The following SMARCD3 variants were observed in gnomAD, a reference collection of about 807,000 sequenced individuals.
SMARCD3 encodes the protein SWI/SNF related BAF chromatin remodeling complex subunit D3.
A neutral mutation model predicts 58.0 loss-of-function variants in SMARCD3; 14 were observed. That is an observed-to-expected ratio of 0.24 (90% CI 0.16 to 0.38). The LOEUF (loss-of-function observed/expected upper bound fraction) is 0.38, where lower values mean the gene tolerates loss of function less well. SMARCD3 is among the 10% of genes least tolerant of loss of function. The pLI, the probability that SMARCD3 is intolerant of heterozygous loss-of-function variation, is 1.00. For missense variants in SMARCD3, 408 were observed against 636.9 expected, an observed-to-expected ratio of 0.64 and a Z score of 3.87; for synonymous variants, 253 against 253.8, an observed-to-expected ratio of 1.00 and a Z score of 0.03.
At chr7:151,265,092 C>T (rs1303389729) in intron 2 of SMARCD3, among the ~76,000 whole-genome samples, 1 of 152,218 alleles carries the variant, frequency 6.6e-6, no homozygotes, top group African/African-American at 2.4e-5. Context: ...GTCAGAGTCC[C>T]CCTGCTATGG....
chr7:151,245,688 G>A lies in SMARCD3; in HGVS notation c.79-17C>T. On this transcript the variant is annotated splice_polypyrimidine_tract_variant and intron_variant, in intron 1 of 12. Transcript: ENST00000262188. This position sits in a 1 kb window ranked among gnomAD's most constrained non-coding sequence, Gnocchi z 6.2. Reference sequence around the variant, plus strand: ...CCCGGGGCGCTGGGGGTGGGCGGGGGTGAAGCAGAAACGGGCGCCCGTGGG... The same window carrying A: ...CCCGGGGCGCTGGGGGTGGGCGGGGATGAAGCAGAAACGGGCGCCCGTGGG... 2.5e-6 allele frequency: 2 copies of A among 807,132 alleles called. No individual in the cohort carries two copies. Among genetic ancestry groups the A allele is most frequent in the Non-Finnish European group, 3.3e-6 (2 of 600,636 alleles). The allele number at this position is 807,132 out of a possible 1,614,324, so 50.0% of individuals were successfully genotyped here.
chr7:151,260,339 G>A (rs902055157), intron 2 of SMARCD3, among the ~76,000 whole-genome samples: 26 of 152,212 alleles, frequency 1.7e-4, no homozygotes, highest in African/African-American at 3.4e-4. Flanking sequence ...CTTAATTATC[G>A]TTTTAAACAC....
chr7:151,268,767 C>T (rs1402102280), intron 2 of SMARCD3, among the ~76,000 whole-genome samples: 3 of 151,790 alleles, frequency 2.0e-5, no homozygotes, highest in Non-Finnish European at 4.4e-5. Flanking sequence ...ACAAAATTCT[C>T]TCTCTTTTTT....
Position 151,245,396 on chromosome 7 carries a change from G to C in SMARCD3, c.290+64C>G. 1 of 593,516 alleles carries C rather than the reference G, an allele frequency of 1.7e-6. No homozygotes were observed. Among genetic ancestry groups the C allele is most frequent in the Non-Finnish European group, 2.5e-6 (1 of 407,390 alleles). 36.8% of individuals were successfully genotyped at this position (593,516 alleles called of 1,614,324 possible). On this transcript the variant is annotated intron_variant, in intron 2 of 12. Transcript: ENST00000262188. The surrounding 1 kb of genome is among the most constrained non-coding windows in gnomAD (Gnocchi z 6.2). ...TCCAATCCCCGCTACTCGCTTACCT[G>C]GTCCCTGCGGGTCCCCCAGGGCCCG...
upstream of SMARCD3, among the ~76,000 whole-genome samples, chr7:151,251,887 G>C (rs1021576925): frequency 2.0e-5 from 3 of 147,388 alleles, no homozygotes; most frequent in African/African-American, 7.3e-5. Context: ...GCCCGAGCGA[G>C]CGGGCGGCGG....
intron 2 of SMARCD3, among the ~76,000 whole-genome samples, chr7:151,264,500 G>C (rs1369258563): frequency 6.6e-6 from 1 of 152,176 alleles, no homozygotes; most frequent in East Asian, 1.9e-4. Context: ...CCCAGGGTGA[G>C]TGCTGTGAAG....
chr7:151,258,563 TAA>T (rs71196743), intron 2 of SMARCD3, among the ~76,000 whole-genome samples: 9 of 116,978 alleles, frequency 7.7e-5, no homozygotes, highest in African/African-American at 6.6e-5. Flanking sequence ...AGACTCTGCC[TAA>T]AAAAAAAAAA....
chr7:151,259,355 A>G (rs1334879822), intron 2 of SMARCD3, among the ~76,000 whole-genome samples: 57 of 150,828 alleles, frequency 3.8e-4, no homozygotes, highest in African/African-American at 1.3e-3. Flanking sequence ...CTGTCTCAAA[A>G]AAAAAAAAAA....
At chr7:151,268,763 TTCTC>T (rs1003996835) in intron 2 of SMARCD3, among the ~76,000 whole-genome samples, 47 of 152,026 alleles carry the variant, frequency 3.1e-4, no homozygotes, top group Non-Finnish European at 4.4e-5. Flanking sequence ...CCACACAAAA[TTCTC>T]TCTCTTTTTT....
chr7:151,273,352 G>T (rs371463525), intron 2 of SMARCD3, among the ~76,000 whole-genome samples: 3 of 152,200 alleles, frequency 2.0e-5, no homozygotes, highest in African/African-American at 7.2e-5. Context: ...ACAGCCCAAG[G>T]CTCCCTCCGA....
Position 151,245,401 on chromosome 7 carries a change from C to T in SMARCD3, c.290+59G>A, listed in dbSNP as rs1336654061. ...TCCCCGCTACTCGCTTACCTGGTCC[C>T]TGCGGGTCCCCCAGGGCCCGCCCCT... On this transcript the variant is annotated intron_variant, in intron 2 of 12. Transcript: ENST00000262188. The surrounding 1 kb of genome is among the most constrained non-coding windows in gnomAD (Gnocchi z 6.2). 1.5e-6 allele frequency: 1 copy of T among 662,236 alleles called. No homozygotes were observed. The allele number at this position is 662,236 out of a possible 1,614,324, so 41.0% of individuals were successfully genotyped here.
chr7:151,251,317 A>AAC (rs1803501698), upstream of SMARCD3, among the ~76,000 whole-genome samples: 1 of 152,110 alleles, frequency 6.6e-6, no homozygotes. Flanking sequence ...ACACCCTCCC[A>AAC]ACACACACAC....
At chr7:151,240,692 T>A (rs1254910528) in intron 8 of SMARCD3, 170 bp from the exon 9 acceptor site, 1 of 590,974 alleles carries the variant, frequency 1.7e-6, no homozygotes, top group Non-Finnish European at 3.0e-6. Context: ...GAGCCACCGG[T>A]ATGGCTGACA....
intron 2 of SMARCD3, among the ~76,000 whole-genome samples, chr7:151,257,684 C>T (rs1323389361): frequency 6.6e-6 from 1 of 152,154 alleles, no homozygotes; most frequent in African/African-American, 2.4e-5. Context: ...GACACTTTCC[C>T]CTCTTGGCTG....
Position 151,238,893 on chromosome 7 carries a change from G to C in SMARCD3, c.*210C>G. On this transcript the variant is annotated 3_prime_UTR_variant, in exon 13 of 13. Coordinates refer to ENST00000262188, the MANE Select transcript of SMARCD3 (RefSeq NM_001003801.2). ...GGAAGGGAATGGGGAGTCGTCCCGA[G>C]GGACCCACTGCCTCCCCACCTTCTT... 3.3e-6 allele frequency: 4 copies of C among 1,216,966 alleles called. No individual in the cohort carries two copies. Among genetic ancestry groups the C allele is most frequent in the Non-Finnish European group, 4.6e-6 (4 of 866,542 alleles). 75.4% of individuals were successfully genotyped at this position (1,216,966 alleles called of 1,614,324 possible). A position where few individuals can be genotyped will look rare whatever the true frequency, so the allele number is the denominator to read the frequency against.
Position 151,243,702 on chromosome 7 carries a change from CTG to C in SMARCD3, c.291-3_291-2del, listed in dbSNP as rs756630061. ...GTCAGCCATCTTCCTCCTCTTGGCACTGTACATTTTTTAAAGAAAAAACCAGG... is the reference window on the plus strand; with the variant it reads ...GTCAGCCATCTTCCTCCTCTTGGCACTACATTTTTTAAAGAAAAAACCAGG... On this transcript the variant is annotated splice_acceptor_variant and splice_polypyrimidine_tract_variant and intron_variant, in intron 2 of 12. Transcript: ENST00000262188. LOFTEE classifies it high-confidence loss of function. This position sits in a 1 kb window ranked among gnomAD's most constrained non-coding sequence, Gnocchi z 4.4. 25 of 1,609,790 alleles carry C rather than the reference CTG, an allele frequency of 1.6e-5. No individual in the cohort carries two copies. The East Asian group carries it at 2.2e-4, about 14-fold the overall frequency.
At position 151,248,410 on chromosome 7, in the gene SMARCD3, G is replaced by A; in HGVS notation, c.78+75C>T. 4 of 1,246,366 alleles carry A rather than the reference G, an allele frequency of 3.2e-6. No homozygotes were observed. The highest frequency in any genetic ancestry group is 4.6e-6 in the Non-Finnish European group (4 of 860,272). The allele number at this position is 1,246,366 out of a possible 1,614,324, so 77.2% of individuals were successfully genotyped here. A position where few individuals can be genotyped will look rare whatever the true frequency, so the allele number is the denominator to read the frequency against. Reference sequence around the variant, plus strand: ...GGTGGGAGAGCGGGAGCGCCCTCCCGGCCCCTCCCGATCAGCCCTCCATTC... The same window carrying A: ...GGTGGGAGAGCGGGAGCGCCCTCCCAGCCCCTCCCGATCAGCCCTCCATTC... On this transcript the variant is annotated intron_variant, in intron 1 of 12. Coordinates refer to ENST00000262188, the MANE Select transcript of SMARCD3 (RefSeq NM_001003801.2). This position sits in a 1 kb window ranked among gnomAD's most constrained non-coding sequence, Gnocchi z 6.1.
intron 2 of SMARCD3, among the ~76,000 whole-genome samples, chr7:151,264,893 G>T (rs1320107449): frequency 6.6e-6 from 1 of 152,206 alleles, no homozygotes; most frequent in South Asian, 2.1e-4. Context: ...ATGGAGCCAG[G>T]TGGGGAATTA....
At chr7:151,261,927 G>A (rs569704299) in intron 2 of SMARCD3, among the ~76,000 whole-genome samples, 16 of 152,274 alleles carry the variant, frequency 1.1e-4, no homozygotes, top group South Asian at 6.2e-4. Flanking sequence ...GCCACTGGAC[G>A]CTTCCTTGGG....
Sources: allele counts gnomAD v4.1 joint callset (sites outside exome capture counted in the v4.1 genomes callset), GRCh38; gene constraint gnomAD v4.1.1; non-coding constraint Gnocchi (gnomAD v3.1); transcripts MANE v1.5; gene names NCBI Gene and HGNC (gene_info 2026-07-23, HGNC 2026-07-21).